RLN2: variants seen among roughly 807,000 people sequenced by gnomAD.
The protein encoded by RLN2 is prorelaxin H2.
Under a neutral mutation model 7.3 loss-of-function variants are expected in RLN2, and 10 were observed. The ratio of observed to expected loss-of-function variants is 1.36; its 90% CI spans 0.84 to 2.31. The LOEUF (loss-of-function observed/expected upper bound fraction) is 2.31. RLN2 is among the 30% of genes most tolerant of loss of function. RLN2 has a pLI of 0.00. For missense variants in RLN2, 298 were observed against 217.6 expected (o/e 1.37, Z -2.32); for synonymous variants, 103 against 82.3 (o/e 1.25, Z -1.36).
chr9:5,308,598 G>A (rs770283127), upstream of RLN2, among the ~76,000 whole-genome samples: 5 of 151,828 alleles, frequency 3.3e-5, no homozygotes, highest in East Asian at 1.9e-4. Context: ...CCCAGAGCCC[G>A]GCTCTTCCAT....
the RLN2 span, among the ~76,000 whole-genome samples, chr9:5,310,237 T>G: frequency 9.2e-5 from 14 of 151,980 alleles, no homozygotes; most frequent in African/African-American, 3.4e-4. Context: ...GTTCTGGTCT[T>G]TAGGTAGAGC....
chr9:5,321,551 T>G, the RLN2 span, among the ~76,000 whole-genome samples: 5 of 151,232 alleles, frequency 3.3e-5, no homozygotes, highest in East Asian at 9.7e-4. Flanking sequence ...CTTAGATAAG[T>G]GTTAATCAAA....
At chr9:5,304,788 G>A, upstream of RLN2, 1 of 594,360 alleles carries the variant, frequency 1.7e-6, no homozygotes, top group Non-Finnish European at 3.0e-6. Flanking sequence ...CCCCTCCACA[G>A]AATTTTCCCC....
At chr9:5,339,158 C>T in the RLN2 span, 1 of 169,558 alleles carries the variant, frequency 5.9e-6, no homozygotes, top group East Asian at 1.5e-4. Context: ...CCTGGCTTTC[C>T]TGTGGGGTGC....
the RLN2 span, among the ~76,000 whole-genome samples, chr9:5,317,796 G>C: frequency 2.6e-4 from 40 of 151,882 alleles, no homozygotes; most frequent in Non-Finnish European, 5.0e-4. Context: ...AAAATGCTCA[G>C]TTGTATTTAT....
chr9:5,330,547 A>G, the RLN2 span, among the ~76,000 whole-genome samples: 2 of 150,534 alleles, frequency 1.3e-5, no homozygotes, highest in African/African-American at 4.9e-5. Context: ...CTGAGGCAGG[A>G]GAACGGCATG....
the RLN2 span, among the ~76,000 whole-genome samples, chr9:5,320,867 T>C: frequency 2.0e-5 from 3 of 152,068 alleles, no homozygotes; most frequent in South Asian, 2.1e-4. Flanking sequence ...ATGATGAATT[T>C]TATCATTATC....
chr9:5,319,411 T>C, the RLN2 span, among the ~76,000 whole-genome samples: 3 of 151,914 alleles, frequency 2.0e-5, no homozygotes, highest in Admixed American at 6.6e-5. Flanking sequence ...AAACATGAAC[T>C]GAATGGAACG....
upstream of RLN2, among the ~76,000 whole-genome samples, chr9:5,308,217 G>A (rs1264108305): frequency 6.6e-6 from 1 of 151,960 alleles, no homozygotes; most frequent in Non-Finnish European, 1.5e-5. Flanking sequence ...AAGAAATGAA[G>A]GGCCATCGTG....
chr9:5,315,268 G>A, the RLN2 span, among the ~76,000 whole-genome samples: 10 of 151,642 alleles, frequency 6.6e-5, no homozygotes, highest in African/African-American at 2.2e-4. Context: ...CAATAAAGAA[G>A]AAAACAGAAA....
Position 5,304,334 on chromosome 9 carries a change from A to G in RLN2, c.211+36T>C, listed in dbSNP as rs974201659. On this transcript the variant is annotated intron_variant, in intron 1 of 1. Transcript: ENST00000381627. ...GGCCGCCCCAGAGTAACCAATGGGA[A>G]GCGCGGGAAGGCCGGGAGGGGGCGG... The G allele has an allele frequency of 3.4e-6, 5 of 1,460,366 alleles. No homozygotes were observed. The African/African-American group carries it at 7.9e-5, about 23-fold the overall frequency. The allele number at this position is 1,460,366 out of a possible 1,614,324, so 90.5% of individuals were successfully genotyped here.
At chr9:5,336,884 C>T in the RLN2 span, among the ~76,000 whole-genome samples, 2 of 151,920 alleles carry the variant, frequency 1.3e-5, no homozygotes, top group African/African-American at 2.4e-5. Context: ...ACCTAGACAG[C>T]GGTAGTTCTG....
At chr9:5,313,020 T>C in the RLN2 span, among the ~76,000 whole-genome samples, 1 of 152,020 alleles carries the variant, frequency 6.6e-6, no homozygotes, top group African/African-American at 2.4e-5. Context: ...ATGAAAAATG[T>C]TTTGTGTGTG....
At chr9:5,307,837 C>CTATA (rs1333693664), upstream of RLN2, among the ~76,000 whole-genome samples, 2 of 152,016 alleles carry the variant, frequency 1.3e-5, no homozygotes, top group Non-Finnish European at 2.9e-5. Flanking sequence ...CCAACTTTGT[C>CTATA]TATAGGGCTT....
chr9:5,307,265 GAT>G (rs1242609019), upstream of RLN2, among the ~76,000 whole-genome samples: 420 of 96,340 alleles, frequency 4.4e-3, 5 homozygotes, highest in African/African-American at 0.015. Flanking sequence ...TAGATAGATA[GAT>G]AGAGGATAGA....
At chr9:5,305,113 T>C (rs1398157751), upstream of RLN2, 1 of 152,428 alleles carries the variant, frequency 6.6e-6, no homozygotes, top group African/African-American at 2.4e-5. Flanking sequence ...AATATAAAAA[T>C]AGAATGGATG....
At chr9:5,317,021 C>T in the RLN2 span, among the ~76,000 whole-genome samples, 3 of 151,914 alleles carry the variant, frequency 2.0e-5, no homozygotes, top group African/African-American at 7.3e-5. Flanking sequence ...AGTCTTATAA[C>T]TGTAAGATGT....
At chr9:5,308,879 G>A (rs976426963), upstream of RLN2, among the ~76,000 whole-genome samples, 6 of 152,044 alleles carry the variant, frequency 3.9e-5, no homozygotes, top group African/African-American at 7.3e-5. Flanking sequence ...ACATCCTTTC[G>A]TGGTAACCAG....
the RLN2 span, among the ~76,000 whole-genome samples, chr9:5,337,923 G>A: frequency 6.6e-6 from 1 of 151,988 alleles, no homozygotes; most frequent in African/African-American, 2.4e-5. Context: ...TTATGTGGCA[G>A]ATTTATGACA....
Sources: gnomAD v4.1 joint callset for allele counts (sites outside exome capture counted in the v4.1 genomes callset) on GRCh38, gnomAD v4.1.1 for gene constraint, MANE v1.5 for transcripts, NCBI Gene and HGNC (gene_info 2026-07-23, HGNC 2026-07-21) for gene names.